Variants in SEC24B observed in about 807,000 individuals in gnomAD.
SEC24B encodes SEC24 homolog B, COPII component.
Under a neutral mutation model 142.8 loss-of-function variants are expected in SEC24B, and 45 were observed. The ratio of observed to expected loss-of-function variants is 0.32; its 90% CI spans 0.25 to 0.40. The LOEUF (loss-of-function observed/expected upper bound fraction) is 0.40, where lower values mean the gene tolerates loss of function less well. Among genes scored for constraint, SEC24B ranks in the 10% least tolerant of loss-of-function variants. The pLI is 1.00. For synonymous variants in SEC24B, 574 were observed against 568.2 expected, an observed-to-expected ratio of 1.01 and a Z score of -0.15; for missense variants, 1,409 against 1,526.8, an observed-to-expected ratio of 0.92 and a Z score of 1.29.
At position 109,452,788 on chromosome 4, in the gene SEC24B, T is replaced by A. The variant is rs954047697; in HGVS notation, c.134-10113T>A. Among the ~76,000 whole-genome samples the A allele has an allele frequency of 5.3e-5, 8 of 152,358 alleles. No individual in the cohort carries two copies. The East Asian group carries it at 1.5e-3, about 29-fold the overall frequency. ...TTCTTAGTGTATTCTGGATACAAGT[T>A]TTTTATTGAGTATCTGATTTGCAAA... On this transcript the variant is annotated intron_variant, in intron 1 of 23. Transcript: ENST00000265175.
In SEC24B at chr4:109,473,108, A is replaced by G. The variant is rs1732704265; in HGVS notation, c.982A>G (p.Arg328Gly). The G allele has an allele frequency of 6.2e-7, 1 of 1,601,414 alleles. No individual in the cohort carries two copies. Among genetic ancestry groups the G allele is most frequent in the South Asian group, 1.1e-5 (1 of 89,292 alleles). Residue 328 changes from arginine (R) to glycine (G), a missense_variant, in exon 3 of 24, where the codon AGA (arginine) becomes GGA (glycine). This residue lies in a region of SEC24B where 709 missense variants were observed against 673.5 expected (regional missense o/e 1.05). Coordinates refer to ENST00000265175, the MANE Select transcript of SEC24B (RefSeq NM_006323.5). The part of the protein sequence containing the change: ...LSGSSGSSST[R>G]TPPTANHPVE... Reference sequence around the variant, plus strand: ...AGGATCCTCAGGATCCTCATCAACAAGAACACCTCCCACTGCAAATCACCC... The same window carrying G: ...AGGATCCTCAGGATCCTCATCAACAGGAACACCTCCCACTGCAAATCACCC...
intron 11 of SEC24B, among the ~76,000 whole-genome samples, chr4:109,517,350 G>A (rs568018275): frequency 5.9e-5 from 9 of 152,262 alleles, no homozygotes; most frequent in African/African-American, 1.7e-4. Flanking sequence ...AGGTCATTAC[G>A]TTAAGTGAAA....
intron 1 of SEC24B, among the ~76,000 whole-genome samples, chr4:109,447,289 A>C (rs1260352777): frequency 6.6e-6 from 1 of 152,062 alleles, no homozygotes; most frequent in Non-Finnish European, 1.5e-5. Flanking sequence ...TTAGTGCTAA[A>C]ATTTTTGGTG....
intron 1 of SEC24B, among the ~76,000 whole-genome samples, chr4:109,445,163 A>G (rs1729316165): frequency 6.6e-6 from 1 of 151,666 alleles, no homozygotes; most frequent in African/African-American, 2.4e-5. Context: ...GGACTCAAGC[A>G]GTCTGCTGCC....
intron 1 of SEC24B, among the ~76,000 whole-genome samples, chr4:109,443,005 C>G (rs1346286309): frequency 6.6e-6 from 1 of 152,064 alleles, no homozygotes; most frequent in Non-Finnish European, 1.5e-5. Context: ...GTTTCTCCAA[C>G]TTTATATTTA....
At chr4:109,508,929 C>G (rs528660780) in intron 7 of SEC24B, among the ~76,000 whole-genome samples, 2 of 152,266 alleles carry the variant, frequency 1.3e-5, no homozygotes, top group East Asian at 3.9e-4. Context: ...AACACAGTTC[C>G]TGATCTCTGT....
chr4:109,511,387 CAG>C (rs939924038), intron 8 of SEC24B, among the ~76,000 whole-genome samples: 24 of 151,818 alleles, frequency 1.6e-4, no homozygotes, highest in East Asian at 5.8e-4. Flanking sequence ...TAGAAAAAAA[CAG>C]AATGATATAC....
intron 1 of SEC24B, among the ~76,000 whole-genome samples, chr4:109,437,984 A>G (rs748010139): frequency 6.6e-6 from 1 of 152,196 alleles, no homozygotes; most frequent in Non-Finnish European, 1.5e-5. Context: ...CTGATAGAGA[A>G]ATCAGAAAAA....
intron 18 of SEC24B, among the ~76,000 whole-genome samples, chr4:109,529,092 G>A (rs978197218): frequency 6.6e-6 from 1 of 151,900 alleles, no homozygotes; most frequent in African/African-American, 2.4e-5. Flanking sequence ...GAACCCGGGA[G>A]GCAGAGGTTG....
chr4:109,528,969 A>G (rs920565070), intron 18 of SEC24B, among the ~76,000 whole-genome samples: 4 of 152,142 alleles, frequency 2.6e-5, no homozygotes, highest in African/African-American at 9.7e-5. Context: ...TCAAGACGAG[A>G]CTGGTCAATG....
At chr4:109,510,397 A>G (rs575717269) in intron 8 of SEC24B, among the ~76,000 whole-genome samples, 1 of 152,334 alleles carries the variant, frequency 6.6e-6, no homozygotes, top group African/African-American at 2.4e-5. Flanking sequence ...AGGATAATTA[A>G]TACATGTAAT....
At chr4:109,442,412 C>G (rs768594053) in intron 1 of SEC24B, among the ~76,000 whole-genome samples, 9 of 152,054 alleles carry the variant, frequency 5.9e-5, no homozygotes, top group Non-Finnish European at 1.3e-4. Context: ...AAATGAATAC[C>G]TGGGTGCATA....
At chr4:109,443,809 G>A (rs1370938564) in intron 1 of SEC24B, among the ~76,000 whole-genome samples, 5 of 152,200 alleles carry the variant, frequency 3.3e-5, no homozygotes, top group Non-Finnish European at 5.9e-5. Flanking sequence ...TAGAACTTCA[G>A]CTATATCTAA....
At chr4:109,490,416 G>A (rs1230258092) in intron 4 of SEC24B, among the ~76,000 whole-genome samples, 2 of 152,008 alleles carry the variant, frequency 1.3e-5, no homozygotes, top group African/African-American at 4.8e-5. Flanking sequence ...TTAAACACCA[G>A]TTATAATACT....
intron 1 of SEC24B, among the ~76,000 whole-genome samples, chr4:109,459,046 G>A (rs1730993388): frequency 6.6e-6 from 1 of 151,982 alleles, no homozygotes; most frequent in Non-Finnish European, 1.5e-5. Flanking sequence ...ATTACTACAA[G>A]AGTTTTTTAT....
chr4:109,449,711 C>T (rs13123618), intron 1 of SEC24B, among the ~76,000 whole-genome samples: 103,320 of 151,960 alleles, frequency 0.68, 40,691 homozygotes, highest in East Asian at 0.89. Flanking sequence ...TCATGGTGGT[C>T]CTGCCTTCAT....
rs145389127 is a variant in SEC24B at position 109,437,885 on chromosome 4, A to G, written c.133+3883A>G. 1.0e-3 allele frequency among the ~76,000 whole-genome samples: 156 copies of G among 152,320 alleles called. 1 individual carries two copies. The highest frequency in any genetic ancestry group is 3.6e-3 in the African/African-American group (149 of 41,560). On this transcript the variant is annotated intron_variant, in intron 1 of 23. Transcript: ENST00000265175. Reference sequence around the variant, plus strand: ...TGATCCACCTGCCTCGGCCTCCCAGAGTGCTCGGATTACAGACGTGAGCCA... The same window carrying G: ...TGATCCACCTGCCTCGGCCTCCCAGGGTGCTCGGATTACAGACGTGAGCCA...
rs115325795 is a variant in SEC24B, at chr4:109,508,504, T to C, written c.1674-1505T>C. ...ATCCTTTGAGCCCAGGAGGTGGAAGTTGTGGCGATCCAAGATCATAACACT... is the reference window on the plus strand; with the variant it reads ...ATCCTTTGAGCCCAGGAGGTGGAAGCTGTGGCGATCCAAGATCATAACACT... On this transcript the variant is annotated intron_variant, in intron 7 of 23. Coordinates refer to ENST00000265175, the MANE Select transcript of SEC24B (RefSeq NM_006323.5). Among the ~76,000 whole-genome samples the C allele has an allele frequency of 6.9e-3, 1,044 of 152,090 alleles. 14 individuals are homozygous for C. The highest frequency in any genetic ancestry group is 0.024 in the African/African-American group (992 of 41,472).
chr4:109,448,721 C>G (rs906732107), intron 1 of SEC24B, among the ~76,000 whole-genome samples: 5 of 152,334 alleles, frequency 3.3e-5, no homozygotes, highest in Non-Finnish European at 7.4e-5. Context: ...GCATGAGGCA[C>G]TGTGCCCAGC....
Sources: gnomAD v4.1 joint callset for allele counts (sites outside exome capture counted in the v4.1 genomes callset) on GRCh38, gnomAD v4.1.1 for gene constraint, gnomAD v4.1.1 regional missense constraint, MANE v1.5 for transcripts, NCBI Gene and HGNC (gene_info 2026-07-23, HGNC 2026-07-21) for gene names.